CNIH2: variants seen among roughly 807,000 people sequenced by gnomAD.
The protein encoded by CNIH2 is cornichon family AMPA receptor auxiliary protein 2.
In CNIH2, 8 loss-of-function variants were observed where a neutral mutation model predicts 22.9. The observed-to-expected ratio is 0.35, with a 90% CI of 0.20 to 0.63. The LOEUF (loss-of-function observed/expected upper bound fraction) is 0.63, where lower values mean the gene tolerates loss of function less well. Among genes scored for constraint, CNIH2 ranks in the 30% least tolerant of loss-of-function variants. The pLI, the probability that CNIH2 is intolerant of heterozygous loss-of-function variation, is 0.72. For missense variants in CNIH2, 105 were observed against 206.2 expected (o/e 0.51, Z 3.01); for synonymous variants, 74 against 78.2 (o/e 0.95, Z 0.28).
chr11:66,283,516 A>C, intron 5 of CNIH2, 54 bp from the exon 6 acceptor site: 1 of 1,607,596 alleles, frequency 6.2e-7, no homozygotes, highest in South Asian at 1.1e-5. Context: ...CCAGGTGGGC[A>C]TCTGGGTGGC....
At chr11:66,279,254 C>T (rs1857221150) in intron 1 of CNIH2, among the ~76,000 whole-genome samples, 1 of 152,020 alleles carries the variant, frequency 6.6e-6, no homozygotes, top group Non-Finnish European at 1.5e-5. Context: ...TAGCCTCACA[C>T]CTGGTTCTTC....
intron 1 of CNIH2, 149 bp downstream of exon 1, chr11:66,278,686 C>A (rs1374275462): frequency 4.7e-6 from 2 of 429,356 alleles, no homozygotes; most frequent in Middle Eastern, 7.9e-4. Flanking sequence ...CCATTAACAC[C>A]CCCCGTGGTC....
At position 66,283,754 on chromosome 11, in the gene CNIH2, C is replaced by CT. The variant is rs1857301674; in HGVS notation, c.*157_*158insT. On this transcript the variant is annotated 3_prime_UTR_variant, in exon 6 of 6. Coordinates refer to ENST00000311445, the MANE Select transcript of CNIH2 (RefSeq NM_182553.3). ...CAAACTGCTGCTGCGGGGAACCCCC[C>CT]CCACCCCGCCTTCAGAGCCCTCCCC... 1 of 744,952 alleles carries CT rather than the reference C, an allele frequency of 1.3e-6. No homozygotes were observed. The highest frequency in any genetic ancestry group is 2.2e-6 in the Non-Finnish European group (1 of 462,878). The allele number at this position is 744,952 out of a possible 1,614,324, so 46.1% of individuals were successfully genotyped here. A position where few individuals can be genotyped will look rare whatever the true frequency, so the allele number is the denominator to read the frequency against.
chr11:66,280,757 G>A (rs913621880), intron 1 of CNIH2, among the ~76,000 whole-genome samples: 2 of 152,266 alleles, frequency 1.3e-5, no homozygotes, highest in African/African-American at 4.8e-5. Flanking sequence ...AGTCAATGGG[G>A]AGCTGGGCGG....
At chr11:66,282,708 C>T (rs554300896) in intron 2 of CNIH2, 25 bp from the exon 3 acceptor site, 3 of 1,612,912 alleles carry the variant, frequency 1.9e-6, no homozygotes, top group Non-Finnish European at 2.5e-6. Flanking sequence ...GCCACCCCAT[C>T]GCGGCCTTTT....
rs1362979982 is a variant in CNIH2 at position 66,281,664 on chromosome 11, C to A, written c.82-595C>A. ...CTCCTCTTCCACCACTCTCTCTTTT[C>A]TTCCTGCTCGCTGCGCTGTCACGCC... On this transcript the variant is annotated intron_variant, in intron 1 of 5. Transcript: ENST00000311445. The A allele has an allele frequency of 1.4e-5, 5 of 359,428 alleles. No homozygotes were observed. The East Asian group carries it at 3.0e-4, about 21-fold the overall frequency. The allele number at this position is 359,428 out of a possible 1,614,324, so 22.3% of individuals were successfully genotyped here.
Position 66,282,566 on chromosome 11 carries a change from TCCATGGTGACGGTCG to T in CNIH2, c.151-160_151-146del. ...CCATGGAGACGCGGGTGAAGGCCCT[TCCATGGTGACGGTCG>T]CCATGGGGACGGCGCGGCTGCTTCC... On this transcript the variant is annotated intron_variant, in intron 2 of 5. Transcript: ENST00000311445. The T allele has an allele frequency of 6.8e-6, 6 of 882,462 alleles. 1 individual carries two copies. The highest frequency in any genetic ancestry group is 6.6e-5 in the South Asian group (4 of 60,340). The allele number at this position is 882,462 out of a possible 1,614,324, so 54.7% of individuals were successfully genotyped here.
chr11:66,278,771 CTCCTCTGCCCTCG>C (rs1590889643), intron 1 of CNIH2, among the ~76,000 whole-genome samples: 1 of 151,124 alleles, frequency 6.6e-6, no homozygotes, highest in Admixed American at 6.6e-5. Context: ...CTCTGACCCC[CTCCTCTGCCCTCG>C]TCCTCTGCTC....
At chr11:66,281,982 A>C (rs1331151524) in intron 1 of CNIH2, among the ~76,000 whole-genome samples, 1 of 151,976 alleles carries the variant, frequency 6.6e-6, no homozygotes, top group Non-Finnish European at 1.5e-5. Flanking sequence ...ACAGGGCCTG[A>C]GACTTGGCAG....
In CNIH2 at chr11:66,278,433, G is replaced by T; in HGVS notation, c.-24G>T. The T allele has an allele frequency of 8.5e-7, 1 of 1,182,996 alleles. No homozygotes were observed. The highest frequency in any genetic ancestry group is 1.1e-6 in the Non-Finnish European group (1 of 946,212). The allele number at this position is 1,182,996 out of a possible 1,614,324, so 73.3% of individuals were successfully genotyped here. ...CCCGGGCCCCGCGCTGGCGCCCCCC[G>T]GGCCGCCGCCCGGCGCGGGGGCCAT... On this transcript the variant is annotated 5_prime_UTR_variant, in exon 1 of 6. Transcript: ENST00000311445.
In CNIH2 at chr11:66,283,746, G is replaced by T; in HGVS notation, c.*149G>T. ...CCAACCCCCAAACTGCTGCTGCGGG[G>T]AACCCCCCCCACCCCGCCTTCAGAG... On this transcript the variant is annotated 3_prime_UTR_variant, in exon 6 of 6. Coordinates refer to ENST00000311445, the MANE Select transcript of CNIH2 (RefSeq NM_182553.3). 1.2e-6 allele frequency: 1 copy of T among 822,660 alleles called. No homozygotes were observed. The highest frequency in any genetic ancestry group is 1.9e-6 in the Non-Finnish European group (1 of 530,584). The allele number at this position is 822,660 out of a possible 1,614,324, so 51.0% of individuals were successfully genotyped here. A position where few individuals can be genotyped will look rare whatever the true frequency, so the allele number is the denominator to read the frequency against.
chr11:66,282,001 C>T (rs1342523839), intron 1 of CNIH2, among the ~76,000 whole-genome samples: 1 of 152,096 alleles, frequency 6.6e-6, no homozygotes, highest in Non-Finnish European at 1.5e-5. Flanking sequence ...AGGGCAGACA[C>T]GAAGCCATGT....
chr11:66,282,429 GC>G, intron 2 of CNIH2, 102 bp downstream of exon 2: 1 of 479,466 alleles, frequency 2.1e-6, no homozygotes. Context: ...GGGGTGGGGG[GC>G]CTACGGCCAT....
intron 5 of CNIH2, 66 bp downstream of exon 5, chr11:66,283,457 C>T: frequency 6.2e-7 from 1 of 1,611,420 alleles, no homozygotes; most frequent in Non-Finnish European, 8.5e-7. Flanking sequence ...CTTCCAATCC[C>T]AAGTTCCTGC....
At chr11:66,280,617 C>T (rs529012351) in intron 1 of CNIH2, among the ~76,000 whole-genome samples, 8 of 152,298 alleles carry the variant, frequency 5.3e-5, no homozygotes, top group African/African-American at 1.7e-4. Flanking sequence ...GCTGAGTCAG[C>T]GCCAGGCAGC....
Position 66,283,365 on chromosome 11 carries a change from G to GCT in CNIH2, c.433_434dup (p.Phe146ProfsTer14). ...CCTGGTGCAAACTTGCCTTCTACCTGCTCTCCTTCTTCTATTACCTGTACA... is the reference window on the plus strand; with the variant it reads ...CCTGGTGCAAACTTGCCTTCTACCTGCTCTCTCCTTCTTCTATTACCTGTACA... On this transcript the variant is annotated frameshift_variant, in exon 5 of 6. Coordinates refer to ENST00000311445, the MANE Select transcript of CNIH2 (RefSeq NM_182553.3). LOFTEE classifies it high-confidence loss of function. 6.2e-7 allele frequency: 1 copy of GCT among 1,614,164 alleles called. No individual in the cohort carries two copies. The highest frequency in any genetic ancestry group is 8.5e-7 in the Non-Finnish European group (1 of 1,180,012).
chr11:66,278,723 T>A (rs1406024248), intron 1 of CNIH2, among the ~76,000 whole-genome samples, 186 bp downstream of exon 1: 1 of 131,888 alleles, frequency 7.6e-6, no homozygotes, highest in Admixed American at 7.6e-5. Context: ...CCCCCCTTCC[T>A]CCGCCGCCCC....
At chr11:66,279,759 G>A (rs1004772342) in intron 1 of CNIH2, among the ~76,000 whole-genome samples, 3 of 151,958 alleles carry the variant, frequency 2.0e-5, no homozygotes, top group Admixed American at 6.6e-5. Context: ...CTTTGACATC[G>A]GGAATCCATA....
intron 2 of CNIH2, 67 bp downstream of exon 2, chr11:66,282,394 GGGT>G: frequency 6.9e-7 from 1 of 1,439,518 alleles, no homozygotes; most frequent in Non-Finnish European, 9.6e-7. Context: ...CGTGGGCTGG[GGGT>G]GGGAGACGGG....
Sources: gnomAD v4.1 joint callset for allele counts (sites outside exome capture counted in the v4.1 genomes callset) on GRCh38, gnomAD v4.1.1 for gene constraint, MANE v1.5 for transcripts, NCBI Gene and HGNC (gene_info 2026-07-23, HGNC 2026-07-21) for gene names.